The following FOXP2 variants were observed in gnomAD, a reference collection of about 807,000 sequenced individuals.
The protein encoded by FOXP2 is forkhead box P2.
In FOXP2, 12 loss-of-function variants were observed where a neutral mutation model predicts 115.8. That is an observed-to-expected ratio of 0.10 (90% confidence interval 0.07 to 0.17). FOXP2 has a LOEUF of 0.17. FOXP2 is among the 10% of genes least tolerant of loss of function. The pLI is 1.00. For missense variants in FOXP2, 629 were observed against 843.5 expected (o/e 0.75, Z 3.15); for synonymous variants, 328 against 297.7 (o/e 1.10, Z -1.05).
chr7:114,662,093 A>G lies in FOXP2; in HGVS notation c.1676A>G (p.His559Arg). The G allele has an allele frequency of 6.2e-7, 1 of 1,612,868 alleles. No individual in the cohort carries two copies. The highest frequency in any genetic ancestry group is 8.5e-7 in the Non-Finnish European group (1 of 1,179,154). Residue 559 changes from histidine to arginine, a missense_variant, in exon 14 of 17, where the codon CAC (histidine) becomes CGC (arginine). His to Arg is a conservative substitution (Grantham distance 29). Coordinates refer to ENST00000350908, the MANE Select transcript of FOXP2 (RefSeq NM_014491.4). ...GCAGTACGTCATAATCTTAGCCTGC[A>G]CAAGTGTTTTGTTCGAGTAGAAAAT... ...KNAVRHNLSL[H>R]KCFVRVENVK...
At chr7:114,536,397 CTTTTTTT>C (rs3997242) in intron 3 of FOXP2, among the ~76,000 whole-genome samples, 16 of 112,350 alleles carry the variant, frequency 1.4e-4, no homozygotes, top group South Asian at 5.7e-4. Flanking sequence ...TTTTTCTTTT[CTTTTTTT>C]TTTTTTTTTT....
chr7:114,249,355 C>T (rs1795373675), intron 1 of FOXP2, among the ~76,000 whole-genome samples: 1 of 152,098 alleles, frequency 6.6e-6, no homozygotes, highest in South Asian at 2.1e-4. Flanking sequence ...TTTCCTGATG[C>T]TCTCCTTCCC....
intron 1 of FOXP2, among the ~76,000 whole-genome samples, chr7:114,118,923 T>C (rs1339180353): frequency 3.9e-5 from 6 of 152,124 alleles, no homozygotes; most frequent in Non-Finnish European, 8.8e-5. Flanking sequence ...GTTTGACTCA[T>C]ATACAAAGGT....
intron 1 of FOXP2, among the ~76,000 whole-genome samples, chr7:114,166,046 T>C (rs925074580): frequency 7.2e-5 from 11 of 152,172 alleles, no homozygotes; most frequent in African/African-American, 2.4e-4. Flanking sequence ...CTTAAACAAC[T>C]GGACATTTAT....
intron 3 of FOXP2, among the ~76,000 whole-genome samples, chr7:114,595,020 T>C (rs1313170124): frequency 6.6e-6 from 1 of 152,042 alleles, no homozygotes; most frequent in East Asian, 1.9e-4. Flanking sequence ...CCTTTAAGAC[T>C]GTTTATATGT....
At chr7:114,517,959 A>G (rs1429123897) in intron 2 of FOXP2, among the ~76,000 whole-genome samples, 1 of 152,154 alleles carries the variant, frequency 6.6e-6, no homozygotes, top group Admixed American at 6.6e-5. Context: ...ATCCATGAAC[A>G]TGGGATATCT....
At chr7:114,400,724 G>A (rs1792867299) in intron 2 of FOXP2, among the ~76,000 whole-genome samples, 1 of 152,046 alleles carries the variant, frequency 6.6e-6, no homozygotes, top group South Asian at 2.1e-4. Flanking sequence ...TCACAATAGG[G>A]TTCACGTTCC....
At chr7:114,142,798 T>C (rs1448260237) in intron 1 of FOXP2, among the ~76,000 whole-genome samples, 1 of 151,918 alleles carries the variant, frequency 6.6e-6, no homozygotes, top group Non-Finnish European at 1.5e-5. Flanking sequence ...AAAAAGAAGA[T>C]TAAATATAAA....
intron 1 of FOXP2, among the ~76,000 whole-genome samples, chr7:114,105,700 G>A (rs1029803156): frequency 6.6e-6 from 1 of 152,032 alleles, no homozygotes; most frequent in South Asian, 2.1e-4. Context: ...CTGAGGTAAA[G>A]CTTTGGGTTT....
intron 2 of FOXP2, among the ~76,000 whole-genome samples, chr7:114,294,713 C>T (rs371672360): frequency 5.3e-5 from 8 of 151,754 alleles, no homozygotes; most frequent in African/African-American, 1.5e-4. Flanking sequence ...TGATGGTGGA[C>T]GCCTGTAATC....
intron 6 of FOXP2, among the ~76,000 whole-genome samples, chr7:114,632,116 C>T (rs1804954566): frequency 6.6e-6 from 1 of 152,154 alleles, no homozygotes; most frequent in African/African-American, 2.4e-5. Context: ...ATAAAAGTTC[C>T]TAATCTTCAC....
intron 6 of FOXP2, among the ~76,000 whole-genome samples, chr7:114,641,193 C>G (rs1451324814): frequency 2.6e-5 from 4 of 152,102 alleles, no homozygotes; most frequent in African/African-American, 9.7e-5. Context: ...CTTAATCATA[C>G]CAACTCTATT....
intron 3 of FOXP2, among the ~76,000 whole-genome samples, chr7:114,550,926 G>A (rs889371780): frequency 1.3e-5 from 2 of 152,158 alleles, no homozygotes; most frequent in Non-Finnish European, 2.9e-5. Flanking sequence ...GTTATTTGGC[G>A]TTTCCATACA....
intron 1 of FOXP2, among the ~76,000 whole-genome samples, chr7:114,280,699 G>T (rs1527157): frequency 0.018 from 2,792 of 152,092 alleles, 82 homozygotes; most frequent in African/African-American, 0.062. Flanking sequence ...ATACTTAAAA[G>T]TCTTTGGCTA....
At chr7:114,545,037 A>G (rs1584876854) in intron 3 of FOXP2, among the ~76,000 whole-genome samples, 3 of 152,188 alleles carry the variant, frequency 2.0e-5, no homozygotes, top group African/African-American at 7.2e-5. Flanking sequence ...GAGGGATGGA[A>G]TCTTTGGAAA....
chr7:114,639,528 T>A (rs552319161), intron 6 of FOXP2, among the ~76,000 whole-genome samples: 32 of 101,102 alleles, frequency 3.2e-4, no homozygotes, highest in South Asian at 1.6e-3. Context: ...TACATGATTT[T>A]AAAAAAAAAG....
chr7:114,528,012 C>T (rs1294219678), intron 2 of FOXP2, among the ~76,000 whole-genome samples: 1 of 152,032 alleles, frequency 6.6e-6, no homozygotes, highest in African/African-American at 2.4e-5. Flanking sequence ...CTGGGCCAGG[C>T]TTATTTTATT....
intron 1 of FOXP2, among the ~76,000 whole-genome samples, chr7:114,136,604 CT>C (rs1483394983): frequency 6.6e-6 from 1 of 151,126 alleles, no homozygotes; most frequent in Non-Finnish European, 1.5e-5. Flanking sequence ...TATAGTTTTT[CT>C]TTTGGAAGAA....
intron 3 of FOXP2, among the ~76,000 whole-genome samples, chr7:114,536,212 G>A (rs940220859): frequency 2.6e-5 from 4 of 151,374 alleles, no homozygotes; most frequent in Non-Finnish European, 5.9e-5. Flanking sequence ...TAGGAATGAA[G>A]TTACTGTTTT....
Sources: allele counts gnomAD v4.1 joint callset (sites outside exome capture counted in the v4.1 genomes callset), GRCh38; gene constraint gnomAD v4.1.1; transcripts MANE v1.5; gene names NCBI Gene and HGNC (gene_info 2026-07-23, HGNC 2026-07-21).